The following DAPK1 variants were observed in gnomAD, a reference collection of about 807,000 sequenced individuals.
The protein encoded by DAPK1 is death associated protein kinase 1.
Under a neutral mutation model 144.9 loss-of-function variants are expected in DAPK1, and 56 were observed. The observed-to-expected ratio is 0.39, with a 90% CI of 0.31 to 0.48. The LOEUF is 0.48. Ranked by LOEUF, DAPK1 falls within the 20% of genes least tolerant of loss-of-function variation. The pLI, the probability that DAPK1 is intolerant of heterozygous loss-of-function variation, is 0.95. For missense variants in DAPK1, 1,454 were observed against 1,875.4 expected (o/e 0.78, Z 4.15); for synonymous variants, 690 against 749.0 (o/e 0.92, Z 1.29).
At chr9:87,571,498 A>ACACACACACACACAC (rs1554684284) in intron 2 of DAPK1, among the ~76,000 whole-genome samples, 128 of 46,496 alleles carry the variant, frequency 2.8e-3, no homozygotes, top group South Asian at 5.0e-3. Context: ...CACACACCCC[A>ACACACACACACACAC]ACACACACAC....
Position 87,668,593 on chromosome 9 carries a change from A to G in DAPK1, c.1924-4A>G, listed in dbSNP as rs781193518. 8 of 1,341,416 alleles carry G rather than the reference A, an allele frequency of 6.0e-6. No individual in the cohort carries two copies. The highest frequency in any genetic ancestry group is 8.6e-6 in the Non-Finnish European group (8 of 930,540). The allele number at this position is 1,341,416 out of a possible 1,614,324, so 83.1% of individuals were successfully genotyped here. On this transcript the variant is annotated splice_region_variant and splice_polypyrimidine_tract_variant and intron_variant, in intron 18 of 25. Coordinates refer to ENST00000408954, the MANE Select transcript of DAPK1 (RefSeq NM_004938.4). ...AAAGAAACTAATGCATTTTTCTCCAACAGGACGGAAAGACGGCAGAAGATC... is the reference window on the plus strand; with the variant it reads ...AAAGAAACTAATGCATTTTTCTCCAGCAGGACGGAAAGACGGCAGAAGATC...
intron 2 of DAPK1, among the ~76,000 whole-genome samples, chr9:87,518,918 G>GAAAA (rs34534596): frequency 1.4e-5 from 2 of 144,708 alleles, no homozygotes; most frequent in Admixed American, 1.4e-4. Context: ...ATCTTTCCAG[G>GAAAA]AAAAAAAAAA....
rs750637859 is a variant in DAPK1 at position 87,706,785 on chromosome 9, C to T, written c.3714C>T (p.Ser1238=). The T allele has an allele frequency of 2.0e-5, 33 of 1,613,204 alleles. No homozygotes were observed. The highest frequency in any genetic ancestry group is 2.7e-5 in the Non-Finnish European group (32 of 1,179,742). ...TCCTGACCGTGAAGCATTACCTGAG[C>T]CCCCAGCAGCTGCGGGAGCACCATG... ...PGLLTVKHYL[S]PQQLREHHEP... is the part of the protein sequence containing the mutation. Residue 1238 remains serine, a synonymous_variant, in exon 26 of 26, where the codon AGC becomes AGT. Coordinates refer to ENST00000408954, the MANE Select transcript of DAPK1 (RefSeq NM_004938.4). The surrounding 1 kb of genome is among the most constrained non-coding windows in gnomAD (Gnocchi z 9.0).
At chr9:87,586,105 T>G (rs766713455) in intron 2 of DAPK1, among the ~76,000 whole-genome samples, 2 of 152,086 alleles carry the variant, frequency 1.3e-5, no homozygotes, top group African/African-American at 2.4e-5. Flanking sequence ...TTGTGCAATA[T>G]GGTGAAACCC....
At chr9:87,521,184 T>TGAA (rs1449798065) in intron 2 of DAPK1, among the ~76,000 whole-genome samples, 1 of 152,226 alleles carries the variant, frequency 6.6e-6, no homozygotes, top group East Asian at 1.9e-4. Context: ...TTGCAGGGGT[T>TGAA]GAAGCATTGT....
rs36211678 is a variant in DAPK1 at position 87,640,793 on chromosome 9, C to G, written c.783-9C>G. The G allele has an allele frequency of 1.5e-3, 2,399 of 1,614,058 alleles. 21 individuals are homozygous for G. In the African/African-American group the frequency reaches 0.018, roughly 12 times the overall value. ...ACAGCATTTTTTTTCTTCTCCCCCT[C>G]CCCTCAAGGAAGAGAATGACAATTC... On this transcript the variant is annotated splice_polypyrimidine_tract_variant and intron_variant, in intron 8 of 25. Coordinates refer to ENST00000408954, the MANE Select transcript of DAPK1 (RefSeq NM_004938.4).
intron 3 of DAPK1, among the ~76,000 whole-genome samples, chr9:87,606,732 TCC>T (rs1828740645): frequency 1.2e-5 from 1 of 84,032 alleles, no homozygotes; most frequent in African/African-American, 4.8e-5. Flanking sequence ...TCTCCCTCCC[TCC>T]CTCTCTCCTT....
chr9:87,624,190 A>G (rs1317098191), intron 3 of DAPK1, among the ~76,000 whole-genome samples: 1 of 152,166 alleles, frequency 6.6e-6, no homozygotes, highest in Non-Finnish European at 1.5e-5. Flanking sequence ...GGGCTAGAGG[A>G]TTCCCTACTT....
intron 19 of DAPK1, among the ~76,000 whole-genome samples, chr9:87,678,040 A>C (rs1230050473): frequency 6.6e-6 from 1 of 152,130 alleles, no homozygotes; most frequent in Non-Finnish European, 1.5e-5. Flanking sequence ...CATTGCTATC[A>C]AGACCCCCAG....
chr9:87,503,740 C>T (rs763119044), intron 2 of DAPK1, among the ~76,000 whole-genome samples: 5 of 152,088 alleles, frequency 3.3e-5, no homozygotes, highest in Non-Finnish European at 7.3e-5. Context: ...TAATGGCTGC[C>T]GCTCATCAAA....
intron 17 of DAPK1, chr9:87,657,587 C>T (rs1469344697): frequency 2.4e-5 from 5 of 208,298 alleles, no homozygotes; most frequent in African/African-American, 2.4e-5. Context: ...CCTGGGTTAC[C>T]TTGGCACACA....
At chr9:87,539,794 T>C (rs1036481797) in intron 2 of DAPK1, among the ~76,000 whole-genome samples, 1 of 152,126 alleles carries the variant, frequency 6.6e-6, no homozygotes, top group Non-Finnish European at 1.5e-5. Context: ...GCATCCTTTG[T>C]CCAGCTATTC....
chr9:87,545,480 G>A (rs969334129), intron 2 of DAPK1, among the ~76,000 whole-genome samples: 1 of 152,198 alleles, frequency 6.6e-6, no homozygotes, highest in African/African-American at 2.4e-5. Context: ...AGGCAAACTA[G>A]ACAGACATCA....
At chr9:87,566,244 A>G (rs1046153521) in intron 2 of DAPK1, among the ~76,000 whole-genome samples, 1 of 151,964 alleles carries the variant, frequency 6.6e-6, no homozygotes, top group Non-Finnish European at 1.5e-5. Context: ...GATAATCTCG[A>G]TCTCCTGACC....
rs766360389 is a variant in DAPK1, at chr9:87,640,370, C to T, written c.702C>T (p.Tyr234=). The T allele has an allele frequency of 7.4e-6, 12 of 1,614,158 alleles. No homozygotes were observed. The highest frequency in any genetic ancestry group is 1.6e-4 in the Middle Eastern group (1 of 6,062). Reference sequence around the variant, plus strand: ...TAGCAAATGTATCCGCTGTCAACTACGAATTTGAGGATGAATACTTCAGTA... The same window carrying T: ...TAGCAAATGTATCCGCTGTCAACTATGAATTTGAGGATGAATACTTCAGTA... ...ETLANVSAVN[Y]EFEDEYFSNT... is the part of the protein sequence containing the mutation. The change falls in exon 8 of 26, where the codon TAC becomes TAT. Residue 234 remains tyrosine, a synonymous_variant. Coordinates refer to ENST00000408954, the MANE Select transcript of DAPK1 (RefSeq NM_004938.4).
At chr9:87,688,426 G>A (rs1824943926) in intron 21 of DAPK1, among the ~76,000 whole-genome samples, 1 of 152,172 alleles carries the variant, frequency 6.6e-6, no homozygotes, top group Non-Finnish European at 1.5e-5. Flanking sequence ...CTTTTTGGTG[G>A]AACAATTTGT....
chr9:87,520,606 A>G (rs1825260680), intron 2 of DAPK1, among the ~76,000 whole-genome samples: 1 of 152,168 alleles, frequency 6.6e-6, no homozygotes, highest in Non-Finnish European at 1.5e-5. Flanking sequence ...ATCGGTAACA[A>G]TTTTATAGCC....
chr9:87,587,235 T>C (rs1272316902), intron 2 of DAPK1, among the ~76,000 whole-genome samples: 1 of 152,244 alleles, frequency 6.6e-6, no homozygotes. Context: ...CAGCAGCATT[T>C]TACATCGACG....
rs1830251299 is a variant in DAPK1 at position 87,645,883 on chromosome 9, G to C, written c.1012-12G>C. The stretch of plus-strand genomic sequence containing the variant: ...ATGTAACTCTGTTTCCATCTTGGCT[G>C]TCTCTCTCAAGGATGAGGAAGACTC... On this transcript the variant is annotated splice_polypyrimidine_tract_variant and intron_variant, in intron 11 of 25. Transcript: ENST00000408954. 1.9e-6 allele frequency: 3 copies of C among 1,613,302 alleles called. 1 individual carries two copies. The Middle Eastern group carries it at 5.0e-4, about 266-fold the overall frequency.
Sources: gnomAD v4.1 joint callset for allele counts (sites outside exome capture counted in the v4.1 genomes callset) on GRCh38, gnomAD v4.1.1 for gene constraint, Gnocchi (gnomAD v3.1) non-coding constraint, MANE v1.5 for transcripts, NCBI Gene and HGNC (gene_info 2026-07-23, HGNC 2026-07-21) for gene names.